The following MARCHF6 variants were observed in gnomAD, a reference collection of about 807,000 sequenced individuals.
MARCHF6 encodes E3 ubiquitin-protein ligase MARCHF6.
Under a neutral mutation model 133.7 loss-of-function variants are expected in MARCHF6, and 31 were observed. That is an observed-to-expected ratio of 0.23 (90% CI 0.17 to 0.31). The LOEUF (loss-of-function observed/expected upper bound fraction) is 0.31. Ranked by LOEUF, MARCHF6 falls within the 10% of genes least tolerant of loss-of-function variation. The pLI, the probability that MARCHF6 is intolerant of heterozygous loss-of-function variation, is 1.00. For synonymous variants in MARCHF6, 395 were observed against 402.5 expected (o/e 0.98, Z 0.22); for missense variants, 723 against 1,121.6 (o/e 0.64, Z 5.08).
chr5:10,424,861 G>T (rs1740002787), intron 23 of MARCHF6, among the ~76,000 whole-genome samples: 1 of 152,214 alleles, frequency 6.6e-6, no homozygotes, highest in South Asian at 2.1e-4. Context: ...TTTGATTGTT[G>T]TGGGAATACC....
At chr5:10,356,600 T>G (rs1002012122) in intron 1 of MARCHF6, among the ~76,000 whole-genome samples, 3 of 152,050 alleles carry the variant, frequency 2.0e-5, no homozygotes, top group African/African-American at 7.2e-5. Flanking sequence ...TTCGCCATGT[T>G]GGCCAGACTG....
rs1739943377 is a variant in MARCHF6, at chr5:10,423,752, C to G, written c.2301C>G (p.Val767=). 3 of 1,612,904 alleles carry G rather than the reference C, an allele frequency of 1.9e-6. No individual in the cohort carries two copies. The highest frequency in any genetic ancestry group is 3.3e-5 in the Admixed American group (2 of 59,962). The change falls in exon 23 of 26, where the codon GTC becomes GTG. Residue 767 remains valine, a synonymous_variant. Transcript: ENST00000274140. ...FYPWQDWALG[V]LHAKIIAAIT... ...TTCCCTAGGACTGGGCACTTGGAGTCCTGCATGCCAAAATCATTGCAGCTA... is the reference window on the plus strand; with the variant it reads ...TTCCCTAGGACTGGGCACTTGGAGTGCTGCATGCCAAAATCATTGCAGCTA...
chr5:10,354,802 G>A (rs1473819243), intron 1 of MARCHF6: 7 of 152,074 alleles, frequency 4.6e-5, no homozygotes, highest in Non-Finnish European at 1.5e-5. Flanking sequence ...ATATTTATGG[G>A]GGTATGAGCG....
chr5:10,358,373 A>G (rs1735609962), intron 1 of MARCHF6, among the ~76,000 whole-genome samples: 1 of 152,158 alleles, frequency 6.6e-6, no homozygotes, highest in African/African-American at 2.4e-5. Context: ...CTGACGTGAG[A>G]CATAAATTGT....
chr5:10,425,811 T>G (rs758460872), intron 23 of MARCHF6, among the ~76,000 whole-genome samples: 52 of 152,228 alleles, frequency 3.4e-4, no homozygotes, highest in Admixed American at 1.5e-3. Flanking sequence ...GCATTACTCT[T>G]GTAGAATTTT....
At position 10,353,710 on chromosome 5, in the gene MARCHF6, C is replaced by A. The variant is rs1342183158; in HGVS notation, c.-189C>A. 3 of 484,004 alleles carry A rather than the reference C, an allele frequency of 6.2e-6. No individual in the cohort carries two copies. The highest frequency in any genetic ancestry group is 1.1e-5 in the Non-Finnish European group (3 of 266,908). 30.0% of individuals were successfully genotyped at this position (484,004 alleles called of 1,614,324 possible). A position where few individuals can be genotyped will look rare whatever the true frequency, so the allele number is the denominator to read the frequency against. ...GCCCCTAGGTGTTCCCGCCCCTCCC[C>A]CTCCCGTGTCGCTCGCTTTCTGTCA... On this transcript the variant is annotated 5_prime_UTR_variant, in exon 1 of 26. Coordinates refer to ENST00000274140, the MANE Select transcript of MARCHF6 (RefSeq NM_005885.4).
intron 24 of MARCHF6, among the ~76,000 whole-genome samples, chr5:10,427,014 C>A (rs1740121035): frequency 6.6e-6 from 1 of 152,218 alleles, no homozygotes; most frequent in Non-Finnish European, 1.5e-5. Flanking sequence ...AAATTATAAG[C>A]AGAGACTTTT....
At chr5:10,409,077 G>A (rs188655245) in intron 17 of MARCHF6, among the ~76,000 whole-genome samples, 7 of 152,064 alleles carry the variant, frequency 4.6e-5, no homozygotes, top group East Asian at 3.9e-4. Flanking sequence ...CACTTTGGTC[G>A]CCCAAAGTGC....
intron 17 of MARCHF6, among the ~76,000 whole-genome samples, chr5:10,407,849 G>A (rs773217949): frequency 3.3e-5 from 5 of 151,998 alleles, no homozygotes; most frequent in South Asian, 2.1e-4. Flanking sequence ...CCAACTACTC[G>A]GGAGGCTGAG....
chr5:10,390,250 T>A, intron 5 of MARCHF6, 82 bp from the exon 6 acceptor site: 3 of 1,140,016 alleles, frequency 2.6e-6, no homozygotes, highest in Non-Finnish European at 3.8e-6. Context: ...TCTGAGACTT[T>A]AGTATAAGAA....
At position 10,381,879 on chromosome 5, in the gene MARCHF6, A is replaced by G; in HGVS notation, c.270A>G (p.Ile90Met). The change falls in exon 4 of 26, where the codon ATA (isoleucine) becomes ATG (methionine). Residue 90 changes from isoleucine (I) to methionine (M), a missense_variant. This residue lies in a region of MARCHF6 where 91 missense variants were observed against 208.8 expected (regional missense o/e 0.44). Coordinates refer to ENST00000274140, the MANE Select transcript of MARCHF6 (RefSeq NM_005885.4). The part of the protein sequence containing the change: ...AGLVTSIGTA[I>M]RYWFHYTLVA... The stretch of plus-strand genomic sequence containing the variant: ...TGGTTACAAGTATTGGCACTGCAAT[A>G]CGATATTGGTTTCATTATACACTTG... 1.2e-6 allele frequency: 2 copies of G among 1,613,298 alleles called. No homozygotes were observed. The highest frequency in any genetic ancestry group is 2.2e-5 in the South Asian group (2 of 90,954).
intron 5 of MARCHF6, 46 bp downstream of exon 5, chr5:10,387,112 G>T (rs1267790419): frequency 7.2e-7 from 1 of 1,392,912 alleles, no homozygotes; most frequent in South Asian, 1.3e-5. Flanking sequence ...TGTAGATGAT[G>T]CTTGCTTTTT....
Position 10,426,616 on chromosome 5 carries a change from T to C in MARCHF6, c.2506+94T>C. 7 of 1,300,058 alleles carry C rather than the reference T, an allele frequency of 5.4e-6. No homozygotes were observed. The South Asian group carries it at 8.4e-5, about 16-fold the overall frequency. 80.5% of individuals were successfully genotyped at this position (1,300,058 alleles called of 1,614,324 possible). A position where few individuals can be genotyped will look rare whatever the true frequency, so the allele number is the denominator to read the frequency against. On this transcript the variant is annotated intron_variant, in intron 24 of 25. Coordinates refer to ENST00000274140, the MANE Select transcript of MARCHF6 (RefSeq NM_005885.4). Reference sequence around the variant, plus strand: ...AGTAAAAAGGATGTCTCACTCCATATGCTTTATTTGTAAATGTGAATCCAG... The same window carrying C: ...AGTAAAAAGGATGTCTCACTCCATACGCTTTATTTGTAAATGTGAATCCAG...
intron 15 of MARCHF6, among the ~76,000 whole-genome samples, chr5:10,404,922 A>G (rs900286264): frequency 6.6e-6 from 1 of 152,394 alleles, no homozygotes; most frequent in African/African-American, 2.4e-5. Context: ...CATTAAGTGA[A>G]TAAAATGCTT....
intron 4 of MARCHF6, among the ~76,000 whole-genome samples, chr5:10,386,000 C>G (rs1308377978): frequency 2.6e-5 from 4 of 151,930 alleles, no homozygotes; most frequent in African/African-American, 9.6e-5. Context: ...GGTGGTCTTT[C>G]CATGTACGTG....
In MARCHF6 at chr5:10,378,768, A is replaced by G. The variant is rs777243174; in HGVS notation, c.126A>G (p.Gln42=). Residue 42 remains glutamine, a synonymous_variant, in exon 3 of 26, where the codon CAA becomes CAG. Transcript: ENST00000274140. The stretch of plus-strand genomic sequence containing the variant: ...CTATTTATAATTACAGCTTAGTTCA[A>G]TGGCTGAAACACAGTCGAAAAGAAT... ...IKFIHQECLV[Q]WLKHSRKEYC... 3.1e-5 allele frequency: 50 copies of G among 1,602,782 alleles called. No homozygotes were observed. The highest frequency in any genetic ancestry group is 2.0e-4 in the African/African-American group (15 of 74,754).
At chr5:10,424,646 C>T (rs1381860132) in intron 23 of MARCHF6, among the ~76,000 whole-genome samples, 1 of 152,010 alleles carries the variant, frequency 6.6e-6, no homozygotes, top group African/African-American at 2.4e-5. Flanking sequence ...ATAGTGGAGA[C>T]AAAAATGAAA....
At chr5:10,386,965 CTGTG>C (rs1737516777) in intron 4 of MARCHF6, 25 bp from the exon 5 acceptor site, 1 of 1,582,500 alleles carries the variant, frequency 6.3e-7, no homozygotes, top group Admixed American at 1.7e-5. Flanking sequence ...CGAGTTGTGA[CTGTG>C]TGCCATCATG....
chr5:10,384,623 A>G (rs775474672), intron 4 of MARCHF6, among the ~76,000 whole-genome samples: 4 of 152,220 alleles, frequency 2.6e-5, no homozygotes, highest in African/African-American at 7.2e-5. Context: ...TAGCCAATAA[A>G]CACATGAAAA....
Sources: gnomAD v4.1 joint callset for allele counts (sites outside exome capture counted in the v4.1 genomes callset) on GRCh38, gnomAD v4.1.1 for gene constraint, gnomAD v4.1.1 regional missense constraint, MANE v1.5 for transcripts, NCBI Gene and HGNC (gene_info 2026-07-23, HGNC 2026-07-21) for gene names.